SCHIP1: variants seen among roughly 807,000 people sequenced by gnomAD.
SCHIP1 encodes the protein schwannomin interacting protein 1, also known as schwannomin-interacting protein 1.
SCHIP1 carries 8 observed loss-of-function variants against 29.7 expected under a neutral mutation model. The observed-to-expected ratio is 0.27, with a 90% CI of 0.16 to 0.49. The LOEUF is 0.49. Ranked by LOEUF, SCHIP1 falls within the 20% of genes least tolerant of loss-of-function variation. The pLI is 0.99. For missense variants in SCHIP1, 193 were observed against 294.6 expected, an observed-to-expected ratio of 0.66 and a Z score of 2.52; for synonymous variants, 76 against 94.9, an observed-to-expected ratio of 0.80 and a Z score of 1.16.
the SCHIP1 span, among the ~76,000 whole-genome samples, chr3:159,583,387 T>C: frequency 6.6e-6 from 1 of 152,304 alleles, no homozygotes; most frequent in Admixed American, 6.5e-5. Flanking sequence ...ACTAGAAAAT[T>C]ATACTCCTAT....
At chr3:159,786,773 T>A in the SCHIP1 span, among the ~76,000 whole-genome samples, 1 of 151,386 alleles carries the variant, frequency 6.6e-6, no homozygotes, top group East Asian at 1.9e-4. Context: ...GAGGGATGGT[T>A]AATAGAAATG....
chr3:159,552,225 T>C, the SCHIP1 span, among the ~76,000 whole-genome samples: 1 of 151,834 alleles, frequency 6.6e-6, no homozygotes, highest in Non-Finnish European at 1.5e-5. Context: ...TTTGTATTTT[T>C]AGTAGAGATA....
the SCHIP1 span, among the ~76,000 whole-genome samples, chr3:159,607,723 G>A: frequency 1.3e-5 from 2 of 152,110 alleles, no homozygotes; most frequent in East Asian, 1.9e-4. Flanking sequence ...AGCTTGAAGA[G>A]AACAGGAGCC....
chr3:159,293,418 C>T, the SCHIP1 span, among the ~76,000 whole-genome samples: 1 of 152,152 alleles, frequency 6.6e-6, no homozygotes, highest in African/African-American at 2.4e-5. Context: ...AAGTTTGCTC[C>T]ATTCATTCAT....
At chr3:159,448,165 G>A in the SCHIP1 span, among the ~76,000 whole-genome samples, 10 of 152,138 alleles carry the variant, frequency 6.6e-5, no homozygotes, top group South Asian at 2.1e-4. Flanking sequence ...TCATGAGTGC[G>A]TAAGAGTTTG....
At chr3:159,486,139 T>C in the SCHIP1 span, among the ~76,000 whole-genome samples, 1 of 152,200 alleles carries the variant, frequency 6.6e-6, no homozygotes, top group Non-Finnish European at 1.5e-5. Flanking sequence ...GTTACCTTTG[T>C]GTGTGTGGTA....
At chr3:159,845,193 C>G (rs1711618976) in intron 1 of SCHIP1, among the ~76,000 whole-genome samples, 1 of 152,230 alleles carries the variant, frequency 6.6e-6, no homozygotes, top group South Asian at 2.1e-4. Context: ...CCACACACCA[C>G]CTGCTCCCAC....
the SCHIP1 span, among the ~76,000 whole-genome samples, chr3:159,693,536 G>T: frequency 6.6e-6 from 1 of 152,188 alleles, no homozygotes; most frequent in Non-Finnish European, 1.5e-5. Flanking sequence ...TAATGTTTTA[G>T]ATGGGAGAGT....
chr3:159,412,790 C>G, the SCHIP1 span, among the ~76,000 whole-genome samples: 4 of 152,150 alleles, frequency 2.6e-5, no homozygotes, highest in Admixed American at 2.0e-4. Flanking sequence ...TTCTACTAAA[C>G]AGGTGACAGA....
the SCHIP1 span, among the ~76,000 whole-genome samples, chr3:159,805,067 C>T: frequency 2.6e-5 from 4 of 152,126 alleles, no homozygotes; most frequent in South Asian, 2.1e-4. Context: ...TCCTTGAACC[C>T]GTAAGTGGAG....
the SCHIP1 span, among the ~76,000 whole-genome samples, chr3:159,550,824 T>C: frequency 6.6e-6 from 1 of 152,164 alleles, no homozygotes. Flanking sequence ...AATGGCACCC[T>C]AGACCAGACC....
chr3:159,810,619 T>G, the SCHIP1 span, among the ~76,000 whole-genome samples: 3 of 152,254 alleles, frequency 2.0e-5, no homozygotes, highest in African/African-American at 7.2e-5. Flanking sequence ...TTTGATAGTC[T>G]TCCATGCTGT....
At chr3:159,758,672 C>T in the SCHIP1 span, among the ~76,000 whole-genome samples, 3 of 152,236 alleles carry the variant, frequency 2.0e-5, no homozygotes, top group Admixed American at 1.3e-4. Flanking sequence ...ATTCTGTGTA[C>T]TGTTGTGCAG....
chr3:159,814,683 C>T, the SCHIP1 span, among the ~76,000 whole-genome samples: 1 of 152,188 alleles, frequency 6.6e-6, no homozygotes, highest in African/African-American at 2.4e-5. Flanking sequence ...GGGTGTGTAG[C>T]CCAGGTATCA....
the SCHIP1 span, among the ~76,000 whole-genome samples, chr3:159,364,770 A>T: frequency 6.6e-6 from 1 of 152,146 alleles, no homozygotes; most frequent in Non-Finnish European, 1.5e-5. Context: ...AAAGTCCTCC[A>T]CTTGACTAAT....
At chr3:159,646,804 A>G in the SCHIP1 span, among the ~76,000 whole-genome samples, 1 of 152,100 alleles carries the variant, frequency 6.6e-6, no homozygotes. Flanking sequence ...TGCTCCAGTA[A>G]TCCAGTAATC....
At chr3:159,827,336 TA>T in the SCHIP1 span, among the ~76,000 whole-genome samples, 1 of 152,164 alleles carries the variant, frequency 6.6e-6, no homozygotes, top group Non-Finnish European at 1.5e-5. Flanking sequence ...ACTACCTCTG[TA>T]TTTAAAAAAG....
the SCHIP1 span, among the ~76,000 whole-genome samples, chr3:159,526,730 C>T: frequency 6.6e-6 from 1 of 152,134 alleles, no homozygotes; most frequent in Non-Finnish European, 1.5e-5. Flanking sequence ...GATGCTGGAC[C>T]AGTCAACATC....
At chr3:159,616,371 G>C in the SCHIP1 span, among the ~76,000 whole-genome samples, 3 of 152,134 alleles carry the variant, frequency 2.0e-5, no homozygotes, top group African/African-American at 7.2e-5. Flanking sequence ...CAAAATGCTG[G>C]GATTACTGGC....
Sources: allele counts gnomAD v4.1 joint callset (sites outside exome capture counted in the v4.1 genomes callset), GRCh38; gene constraint gnomAD v4.1.1; transcripts MANE v1.5; gene names NCBI Gene and HGNC (gene_info 2026-07-23, HGNC 2026-07-21).